Variants in CPNE5 observed in about 807,000 individuals in gnomAD.
The protein encoded by CPNE5 is copine-5.
Under a neutral mutation model 81.1 loss-of-function variants are expected in CPNE5, and 42 were observed. That is an observed-to-expected ratio of 0.52 (90% CI 0.40 to 0.67). CPNE5 has a LOEUF of 0.67. CPNE5 is among the 30% of genes least tolerant of loss of function. The probability of loss-of-function intolerance (pLI) is 0.00; values close to 1 mark genes in which losing one functional copy is unlikely to be tolerated. For missense variants in CPNE5, 612 were observed against 815.5 expected (o/e 0.75, Z 3.04); for synonymous variants, 313 against 321.5 (o/e 0.97, Z 0.28).
chr6:36,826,404 A>G (rs1318877256), intron 1 of CPNE5, among the ~76,000 whole-genome samples: 1 of 152,136 alleles, frequency 6.6e-6, no homozygotes, highest in East Asian at 1.9e-4. Flanking sequence ...CTCTGCTGAA[A>G]TTATTCTTGC....
intron 1 of CPNE5, among the ~76,000 whole-genome samples, chr6:36,834,843 GC>G (rs1272494561): frequency 1.3e-5 from 2 of 152,082 alleles, no homozygotes; most frequent in Non-Finnish European, 2.9e-5. Flanking sequence ...TTTGACAGCT[GC>G]CGCCCTCCCC....
chr6:36,754,493 G>A (rs1765207247), intron 13 of CPNE5: 1 of 152,220 alleles, frequency 6.6e-6, no homozygotes, highest in East Asian at 1.9e-4. Context: ...CATAAGTAAG[G>A]GATGAAAAGC....
rs187719954 is a variant in CPNE5 at position 36,745,263 on chromosome 6, C to T, written c.1329-113G>A. On this transcript the variant is annotated intron_variant, in intron 17 of 20. Coordinates refer to ENST00000244751, the MANE Select transcript of CPNE5 (RefSeq NM_020939.2). The stretch of plus-strand genomic sequence containing the variant: ...GTGACAGCTCTTGGGGGAATCTCTT[C>T]AGGGTCAGGGCTCCCTGAAAGGCAA... 369 of 1,430,128 alleles carry T rather than the reference C, an allele frequency of 2.6e-4. 1 individual carries two copies. The African/African-American group carries it at 4.9e-3, about 19-fold the overall frequency. 88.6% of individuals were successfully genotyped at this position (1,430,128 alleles called of 1,614,324 possible).
upstream of CPNE5, chr6:36,839,521 C>G: frequency 3.4e-6 from 2 of 587,262 alleles, no homozygotes; most frequent in Non-Finnish European, 2.9e-6. This position sits in a 1 kb window ranked among gnomAD's most constrained non-coding sequence, Gnocchi z 7.3. Context: ...GAAGAGGGGG[C>G]GTGGGAAGTG....
At chr6:36,748,453 A>T (rs1000422693) in intron 14 of CPNE5, among the ~76,000 whole-genome samples, 186 bp from the exon 15 acceptor site, 1 of 152,154 alleles carries the variant, frequency 6.6e-6, no homozygotes, top group Non-Finnish European at 1.5e-5. Flanking sequence ...CCCCCCTTAC[A>T]GGATTAATGA....
chr6:36,771,578 A>G (rs1582821500), intron 10 of CPNE5, among the ~76,000 whole-genome samples: 1 of 152,322 alleles, frequency 6.6e-6, no homozygotes, highest in South Asian at 2.1e-4. Flanking sequence ...CTGGCCTGGG[A>G]GCAACCTAAG....
intron 10 of CPNE5, among the ~76,000 whole-genome samples, chr6:36,772,998 C>A (rs1369939046): frequency 6.6e-6 from 1 of 152,028 alleles, no homozygotes; most frequent in Admixed American, 6.6e-5. Flanking sequence ...CGCCACTATA[C>A]CCAGATAATT....
At chr6:36,773,529 G>A (rs770163455) in intron 10 of CPNE5, among the ~76,000 whole-genome samples, 2 of 152,222 alleles carry the variant, frequency 1.3e-5, no homozygotes, top group African/African-American at 2.4e-5. Flanking sequence ...CCAGCATCTA[G>A]CACAGTGCCT....
At chr6:36,797,610 C>T (rs1454461810) in intron 6 of CPNE5, among the ~76,000 whole-genome samples, 1 of 152,246 alleles carries the variant, frequency 6.6e-6, no homozygotes, top group East Asian at 1.9e-4. Flanking sequence ...TCAGGCTCCA[C>T]TGTGAGAAGC....
chr6:36,799,614 G>C (rs1490207671), intron 4 of CPNE5, among the ~76,000 whole-genome samples: 1 of 152,220 alleles, frequency 6.6e-6, no homozygotes, highest in Admixed American at 6.5e-5. Flanking sequence ...GAAGCAGCCA[G>C]TGGGTACCTC....
intron 10 of CPNE5, among the ~76,000 whole-genome samples, chr6:36,769,953 C>T (rs1369161109): frequency 1.3e-5 from 2 of 152,236 alleles, no homozygotes; most frequent in South Asian, 2.1e-4. Flanking sequence ...TCTTAACACC[C>T]TCTTAAAATC....
intron 1 of CPNE5, among the ~76,000 whole-genome samples, chr6:36,833,247 A>T (rs1773116071): frequency 6.6e-6 from 1 of 152,186 alleles, no homozygotes; most frequent in African/African-American, 2.4e-5. Flanking sequence ...TCTGAGCCTC[A>T]ATTTCCTAAT....
chr6:36,767,098 C>G (rs1480675578), intron 10 of CPNE5, among the ~76,000 whole-genome samples: 1 of 152,208 alleles, frequency 6.6e-6, no homozygotes, highest in African/African-American at 2.4e-5. Context: ...TCAAGTGATC[C>G]ACCCGTCTCG....
rs139713742 is a variant in CPNE5 at position 36,803,516 on chromosome 6, C to T, written c.184-3446G>A. Among the ~76,000 whole-genome samples the T allele has an allele frequency of 7.9e-4, 121 of 152,294 alleles. 1 individual carries two copies. The highest frequency in any genetic ancestry group is 3.4e-3 in the Middle Eastern group (1 of 294). ...TAACACAGCATTTAATACACAGCCG[C>T]GGGTTTAGATCATAATAGCTACTGT... On this transcript the variant is annotated intron_variant, in intron 3 of 20. Transcript: ENST00000244751.
At chr6:36,823,016 T>TG in intron 2 of CPNE5, 42 bp downstream of exon 2, 1 of 1,491,750 alleles carries the variant, frequency 6.7e-7, no homozygotes, top group Non-Finnish European at 9.1e-7. Context: ...GTCATAGCGT[T>TG]GCCGCTATTG....
chr6:36,827,170 C>A (rs763011816), intron 1 of CPNE5, among the ~76,000 whole-genome samples: 3 of 152,192 alleles, frequency 2.0e-5, no homozygotes, highest in Non-Finnish European at 2.9e-5. Flanking sequence ...AGCCTCCGTT[C>A]CATTCCCCAC....
chr6:36,839,361 T>A lies in CPNE5; in HGVS notation c.17A>T (p.Asp6Val), dbSNP rs1773832388. The A allele has an allele frequency of 6.4e-7, 1 of 1,550,882 alleles. No individual in the cohort carries two copies. Among genetic ancestry groups the A allele is most frequent in the Non-Finnish European group, 8.7e-7 (1 of 1,146,484 alleles). Reference sequence around the variant, plus strand: ...GTCGAACTCGCTCAGCGACGCCATGTCCTCAGGCTGCTCCATCGCCCACCG... The same window carrying A: ...GTCGAACTCGCTCAGCGACGCCATGACCTCAGGCTGCTCCATCGCCCACCG... MEQPE[D>V]MASLSEFDSL... Residue 6 changes from aspartate (D) to valine (V), a missense_variant, in exon 1 of 21, where the codon GAC (aspartate) becomes GTC (valine). Asp to Val is a radical substitution (Grantham distance 152). Coordinates refer to ENST00000244751, the MANE Select transcript of CPNE5 (RefSeq NM_020939.2). This position sits in a 1 kb window ranked among gnomAD's most constrained non-coding sequence, Gnocchi z 7.3.
intron 11 of CPNE5, among the ~76,000 whole-genome samples, chr6:36,764,880 C>G (rs986908050): frequency 6.6e-6 from 1 of 152,188 alleles, no homozygotes; most frequent in Non-Finnish European, 1.5e-5. Flanking sequence ...TGTGGGGAGT[C>G]TCTGAGGGCT....
rs373208480 is a variant in CPNE5 at position 36,798,485 on chromosome 6, A to G, written c.297T>C (p.Val99=). The G allele has an allele frequency of 9.3e-6, 15 of 1,614,002 alleles. No homozygotes were observed. The African/African-American group carries it at 2.0e-4, about 22-fold the overall frequency. ...TGGATAAATCAGGACTCTTAGAGTC[A>G]ACGTCGTATCTGCAGGGAACACAGA... The part of the protein sequence containing the change: ...KQNLRFDLYD[V]DSKSPDLSKH... The change falls in exon 5 of 21, where the codon GTT becomes GTC. Residue 99 remains valine, a synonymous_variant. Transcript: ENST00000244751.
Sources: gnomAD v4.1 joint callset for allele counts (sites outside exome capture counted in the v4.1 genomes callset) on GRCh38, gnomAD v4.1.1 for gene constraint, Gnocchi (gnomAD v3.1) non-coding constraint, MANE v1.5 for transcripts, NCBI Gene and HGNC (gene_info 2026-07-23, HGNC 2026-07-21) for gene names.